Variants in UBAP2 observed in about 807,000 individuals in gnomAD.
The protein encoded by UBAP2 is ubiquitin associated protein 2, also known as ubiquitin-associated protein 2.
UBAP2 carries 75 observed loss-of-function variants against 139.6 expected under a neutral mutation model. The ratio of observed to expected loss-of-function variants is 0.54; its 90% CI spans 0.45 to 0.65. The LOEUF (loss-of-function observed/expected upper bound fraction) is 0.65, where lower values mean the gene tolerates loss of function less well. Among genes scored for constraint, UBAP2 ranks in the 30% least tolerant of loss-of-function variants. The pLI is 0.00. For synonymous variants in UBAP2, 526 were observed against 526.2 expected (o/e 1.00, Z 0.01); for missense variants, 1,368 against 1,369.6 (o/e 1.00, Z 0.02).
At chr9:33,963,889 C>T (rs144046242) in intron 8 of UBAP2, 98 bp from the exon 9 acceptor site, 6 of 835,194 alleles carry the variant, frequency 7.2e-6, no homozygotes, top group East Asian at 5.0e-5. Context: ...GTATATGCTG[C>T]GTTACTGCCC....
intron 2 of UBAP2, among the ~76,000 whole-genome samples, chr9:34,013,748 A>G (rs970419670): frequency 1.3e-5 from 2 of 151,514 alleles, no homozygotes; most frequent in African/African-American, 4.9e-5. Context: ...ATGGTGATAC[A>G]TGCCTGCAAT....
chr9:33,940,268 G>T (rs1198471085), intron 16 of UBAP2, among the ~76,000 whole-genome samples: 1 of 152,080 alleles, frequency 6.6e-6, no homozygotes, highest in Non-Finnish European at 1.5e-5. Context: ...CCTACACCAA[G>T]TAAGATGCTG....
chr9:33,954,269 TAC>T (rs60078088), intron 11 of UBAP2, among the ~76,000 whole-genome samples: 34 of 139,912 alleles, frequency 2.4e-4, no homozygotes, highest in African/African-American at 3.5e-4. Flanking sequence ...TGTGTGTATA[TAC>T]ACACACACAC....
At chr9:33,939,531 T>C (rs909398889) in intron 16 of UBAP2, among the ~76,000 whole-genome samples, 1 of 150,648 alleles carries the variant, frequency 6.6e-6, no homozygotes, top group African/African-American at 2.4e-5. Context: ...CAGCCATTTG[T>C]GTGCTTTATA....
intron 19 of UBAP2, 160 bp from the exon 20 acceptor site, chr9:33,928,152 C>T: frequency 1.5e-6 from 1 of 669,092 alleles, no homozygotes; most frequent in South Asian, 2.0e-5. Flanking sequence ...GTGCTCAGTG[C>T]TCACTGCGGC....
At chr9:33,991,426 T>C (rs957476090) in intron 4 of UBAP2, among the ~76,000 whole-genome samples, 44 of 152,192 alleles carry the variant, frequency 2.9e-4, no homozygotes, top group Admixed American at 9.2e-4. Flanking sequence ...AGTAGTCTAG[T>C]GTATCCATAA....
chr9:33,943,543 C>G lies in UBAP2; in HGVS notation c.1592G>C (p.Gly531Ala). The change falls in exon 15 of 29, where the codon GGA becomes GCA. Residue 531 changes from glycine to alanine, a missense_variant. Coordinates refer to ENST00000379238, the MANE Select transcript of UBAP2 (RefSeq NM_001370062.2). ...CAGAGCCCCAAACTGCACATTTAAT[C>G]CTGTGACATCTGCTGAACCAGGCAT... The part of the protein sequence containing the change: ...VEMPGSADVT[G>A]LNVQFGALEF... 1 of 1,614,132 alleles carries G rather than the reference C, an allele frequency of 6.2e-7. No individual in the cohort carries two copies. Among genetic ancestry groups the G allele is most frequent in the South Asian group, 1.1e-5 (1 of 91,078 alleles).
At chr9:34,004,112 C>T (rs1416716920) in intron 2 of UBAP2, among the ~76,000 whole-genome samples, 1 of 152,104 alleles carries the variant, frequency 6.6e-6, no homozygotes, top group Non-Finnish European at 1.5e-5. Context: ...AAAACCATCT[C>T]CACAAAAATG....
intron 2 of UBAP2, among the ~76,000 whole-genome samples, chr9:34,001,971 A>C (rs1822744708): frequency 6.6e-6 from 1 of 151,896 alleles, no homozygotes. Flanking sequence ...TCATTAAAAA[A>C]AAAAAACAAA....
At chr9:33,955,716 C>T (rs543400237) in intron 11 of UBAP2, among the ~76,000 whole-genome samples, 18 of 151,476 alleles carry the variant, frequency 1.2e-4, no homozygotes, top group African/African-American at 4.4e-4. Flanking sequence ...ATCCCAGCTA[C>T]CTGGGAGGCT....
At chr9:33,986,063 T>C (rs1391914791) in intron 6 of UBAP2, among the ~76,000 whole-genome samples, 2 of 151,982 alleles carry the variant, frequency 1.3e-5, no homozygotes, top group Non-Finnish European at 2.9e-5. Flanking sequence ...GTATTTTGTA[T>C]TTTTTCTGAG....
At chr9:34,009,250 C>A (rs934791992) in intron 2 of UBAP2, among the ~76,000 whole-genome samples, 7 of 151,740 alleles carry the variant, frequency 4.6e-5, no homozygotes, top group Non-Finnish European at 7.4e-5. Context: ...AGGTGCACAC[C>A]ACCACGGCCA....
chr9:33,924,138 G>A (rs116990828), intron 23 of UBAP2, 68 bp downstream of exon 23: 82,815 of 1,595,182 alleles, frequency 0.052, 2,555 homozygotes, highest in Non-Finnish European at 0.061. Flanking sequence ...TGCTGTTGCT[G>A]CTTCCCAGCT....
At chr9:34,038,419 AT>A (rs1826663482) in intron 1 of UBAP2, among the ~76,000 whole-genome samples, 1 of 151,948 alleles carries the variant, frequency 6.6e-6, no homozygotes, top group Non-Finnish European at 1.5e-5. Flanking sequence ...AGTGCCTGCG[AT>A]TGCAGGCGCG....
intron 1 of UBAP2, among the ~76,000 whole-genome samples, chr9:34,032,592 A>G (rs919357712): frequency 2.6e-5 from 4 of 152,184 alleles, no homozygotes; most frequent in African/African-American, 9.7e-5. Context: ...CTTCTACTAC[A>G]GTCATGATGA....
At chr9:33,959,487 CTG>C (rs370169081) in intron 10 of UBAP2, among the ~76,000 whole-genome samples, 1 of 152,300 alleles carries the variant, frequency 6.6e-6, no homozygotes, top group African/African-American at 2.4e-5. Context: ...TGCTCAAACT[CTG>C]TGTCAGACAG....
chr9:34,034,905 C>G (rs1198804538), intron 1 of UBAP2, among the ~76,000 whole-genome samples: 2 of 151,778 alleles, frequency 1.3e-5, no homozygotes, highest in African/African-American at 4.8e-5. Flanking sequence ...AAACGAATCG[C>G]TCAACTGTTC....
intron 1 of UBAP2, among the ~76,000 whole-genome samples, chr9:34,021,867 C>T (rs987734560): frequency 6.6e-6 from 1 of 152,114 alleles, no homozygotes; most frequent in African/African-American, 2.4e-5. Flanking sequence ...CTCCAGACCT[C>T]GGGTGATCCA....
At chr9:33,981,815 G>GGGGGAAGC (rs1441382757) in intron 6 of UBAP2, among the ~76,000 whole-genome samples, 45 of 127,606 alleles carry the variant, frequency 3.5e-4, no homozygotes, top group African/African-American at 7.2e-4. Context: ...AGGGTGGAAG[G>GGGGGAAGC]GGGGAAGCGG....
Sources: gnomAD v4.1 joint callset for allele counts (sites outside exome capture counted in the v4.1 genomes callset) on GRCh38, gnomAD v4.1.1 for gene constraint, MANE v1.5 for transcripts, NCBI Gene and HGNC (gene_info 2026-07-23, HGNC 2026-07-21) for gene names.